Variants in GALNT13 observed in about 807,000 individuals in gnomAD.
GALNT13 encodes the protein polypeptide N-acetylgalactosaminyltransferase 13, also known as UDP-GalNAc:polypeptide N-acetylgalactosaminyltransferase 13.
Under a neutral mutation model 64.2 loss-of-function variants are expected in GALNT13, and 28 were observed. The ratio of observed to expected loss-of-function variants is 0.44; its 90% confidence interval spans 0.32 to 0.60. GALNT13 has a LOEUF of 0.60. GALNT13 is among the 20% of genes least tolerant of loss of function. The pLI, the probability that GALNT13 is intolerant of heterozygous loss-of-function variation, is 0.05. For synonymous variants in GALNT13, 214 were observed against 224.6 expected (o/e 0.95, Z 0.42); for missense variants, 577 against 669.8 (o/e 0.86, Z 1.53).
At chr2:153,107,719 A>G in the GALNT13 span, among the ~76,000 whole-genome samples, 2 of 152,170 alleles carry the variant, frequency 1.3e-5, no homozygotes, top group Non-Finnish European at 1.5e-5. Flanking sequence ...AGTTTTGCTT[A>G]GGATAATAAT....
chr2:153,958,050 A>G (rs1265924860), intron 3 of GALNT13, among the ~76,000 whole-genome samples: 1 of 152,178 alleles, frequency 6.6e-6, no homozygotes, highest in Non-Finnish European at 1.5e-5. Flanking sequence ...ATCTCCTGCA[A>G]TGGACACAGG....
At chr2:154,235,527 G>A (rs974680835) in intron 4 of GALNT13, among the ~76,000 whole-genome samples, 1 of 152,132 alleles carries the variant, frequency 6.6e-6, no homozygotes, top group African/African-American at 2.4e-5. Context: ...GGGAAACATA[G>A]AAACCACACA....
chr2:154,214,656 ACTT>A (rs574575863), intron 4 of GALNT13, among the ~76,000 whole-genome samples: 303 of 152,044 alleles, frequency 2.0e-3, no homozygotes, highest in African/African-American at 6.5e-3. Flanking sequence ...TTCACTCAGC[ACTT>A]CTTCTTCCTG....
chr2:153,415,855 A>G, the GALNT13 span, among the ~76,000 whole-genome samples: 1 of 152,208 alleles, frequency 6.6e-6, no homozygotes, highest in Admixed American at 6.5e-5. Flanking sequence ...TAGTTTTAAA[A>G]TGAACAGAAG....
the GALNT13 span, among the ~76,000 whole-genome samples, chr2:153,072,269 T>C: frequency 6.6e-6 from 1 of 152,138 alleles, no homozygotes; most frequent in Non-Finnish European, 1.5e-5. Context: ...CTAAGCAGTG[T>C]GGGACCGGAG....
At chr2:154,295,253 T>A (rs1414377174) in intron 8 of GALNT13, among the ~76,000 whole-genome samples, 22 of 152,212 alleles carry the variant, frequency 1.4e-4, no homozygotes, top group Admixed American at 1.3e-3. Flanking sequence ...TTATTGCTTT[T>A]ATGCTCTGAA....
At chr2:153,769,843 C>G in the GALNT13 span, among the ~76,000 whole-genome samples, 1 of 152,150 alleles carries the variant, frequency 6.6e-6, no homozygotes, top group African/African-American at 2.4e-5. Flanking sequence ...GAAATTCTTT[C>G]ACTCAATTTA....
chr2:153,853,233 T>C, the GALNT13 span, among the ~76,000 whole-genome samples: 1 of 152,278 alleles, frequency 6.6e-6, no homozygotes, highest in African/African-American at 2.4e-5. Context: ...GCTGATTAGA[T>C]TGTGCCCACC....
At chr2:153,154,755 T>G in the GALNT13 span, among the ~76,000 whole-genome samples, 1 of 152,172 alleles carries the variant, frequency 6.6e-6, no homozygotes, top group Non-Finnish European at 1.5e-5. Flanking sequence ...TGGCCAGAAC[T>G]TCCAATTCTA....
chr2:153,592,221 CAT>C, the GALNT13 span, among the ~76,000 whole-genome samples: 1 of 152,066 alleles, frequency 6.6e-6, no homozygotes, highest in Non-Finnish European at 1.5e-5. Flanking sequence ...AGGGAACTCT[CAT>C]ATATTGTTGG....
At chr2:153,136,425 T>C in the GALNT13 span, among the ~76,000 whole-genome samples, 2 of 152,010 alleles carry the variant, frequency 1.3e-5, no homozygotes, top group Non-Finnish European at 2.9e-5. Flanking sequence ...CCAGATTTGG[T>C]CAGCTATGAC....
the GALNT13 span, among the ~76,000 whole-genome samples, chr2:153,844,678 T>C: frequency 6.6e-6 from 1 of 152,222 alleles, no homozygotes; most frequent in Admixed American, 6.5e-5. Context: ...AGGCTGCAAC[T>C]TTTCCAAACC....
At chr2:153,647,992 A>G in the GALNT13 span, among the ~76,000 whole-genome samples, 1 of 152,148 alleles carries the variant, frequency 6.6e-6, no homozygotes, top group Non-Finnish European at 1.5e-5. Flanking sequence ...GTTTTTTCCA[A>G]TTCTGTGAAG....
chr2:154,337,049 C>T (rs879675436), intron 9 of GALNT13, among the ~76,000 whole-genome samples: 2 of 151,914 alleles, frequency 1.3e-5, no homozygotes, highest in African/African-American at 2.4e-5. Flanking sequence ...AAAAAATATA[C>T]ATGTATGCCT....
chr2:154,274,450 C>A (rs1258051069), intron 8 of GALNT13, among the ~76,000 whole-genome samples: 1 of 152,056 alleles, frequency 6.6e-6, no homozygotes, highest in Non-Finnish European at 1.5e-5. Context: ...GTGTCCCCAC[C>A]CAAATCTCAT....
chr2:153,974,195 G>A (rs139269590), intron 3 of GALNT13, among the ~76,000 whole-genome samples: 3 of 152,030 alleles, frequency 2.0e-5, no homozygotes, highest in African/African-American at 4.8e-5. Flanking sequence ...TCCAACTAAC[G>A]GCAGCTCTAA....
At chr2:154,412,317 T>C (rs534049673) in intron 11 of GALNT13, among the ~76,000 whole-genome samples, 1 of 151,874 alleles carries the variant, frequency 6.6e-6, no homozygotes, top group East Asian at 1.9e-4. Flanking sequence ...CTCACTTTAA[T>C]AAAAAACAGA....
chr2:154,299,907 TA>T (rs946412835), intron 8 of GALNT13, among the ~76,000 whole-genome samples: 89 of 151,838 alleles, frequency 5.9e-4, no homozygotes, highest in African/African-American at 1.7e-3. Context: ...AATTATAAAA[TA>T]AAAAAATAGA....
the GALNT13 span, among the ~76,000 whole-genome samples, chr2:153,074,166 G>C: frequency 6.6e-6 from 1 of 152,128 alleles, no homozygotes; most frequent in African/African-American, 2.4e-5. Flanking sequence ...CAAAATGGTG[G>C]TATTCTAATT....
Sources: allele counts gnomAD v4.1 joint callset (sites outside exome capture counted in the v4.1 genomes callset), GRCh38; gene constraint gnomAD v4.1.1; transcripts MANE v1.5; gene names NCBI Gene and HGNC (gene_info 2026-07-23, HGNC 2026-07-21).